Variants in ZNF638 observed in about 807,000 individuals in gnomAD.
ZNF638 encodes zinc finger protein 638.
ZNF638 carries 46 observed loss-of-function variants against 195.6 expected under a neutral mutation model. The observed-to-expected ratio is 0.24, with a 90% CI of 0.19 to 0.30. The LOEUF is 0.30. Among genes scored for constraint, ZNF638 ranks in the 10% least tolerant of loss-of-function variants. ZNF638 has a pLI of 1.00. For missense variants in ZNF638, 2,440 were observed against 2,325.3 expected (o/e 1.05, Z -1.01); for synonymous variants, 845 against 772.0 (o/e 1.09, Z -1.57).
At chr2:71,432,266 T>A (rs942104209) in intron 26 of ZNF638, among the ~76,000 whole-genome samples, 1 of 152,202 alleles carries the variant, frequency 6.6e-6, no homozygotes, top group Non-Finnish European at 1.5e-5. Flanking sequence ...AGTGATGTGA[T>A]CTCAGCTAAC....
rs755919835 is a variant in ZNF638, at chr2:71,349,762, C to T, written c.808C>T (p.Arg270Cys). 2.0e-5 allele frequency: 33 copies of T among 1,614,176 alleles called. No homozygotes were observed. The highest frequency in any genetic ancestry group is 8.8e-5 in the South Asian group (8 of 91,074). The change falls in exon 2 of 28, where the codon CGC becomes TGC. Residue 270 changes from arginine (R) to cysteine (C), a missense_variant. Arg to Cys is a radical substitution (Grantham distance 180). This residue lies in a region of ZNF638 where 305 missense variants were observed against 283.6 expected (regional missense o/e 1.08). Transcript: ENST00000264447. ...TATGTTTCCTGTTGAAGACGTATTT[C>T]GCCAAATGGACTTCCCCGGTGAGTC... ...NSMFPVEDVF[R>C]QMDFPGESSN...
At chr2:71,340,393 G>A (rs770273058) in intron 1 of ZNF638, among the ~76,000 whole-genome samples, 3 of 152,220 alleles carry the variant, frequency 2.0e-5, no homozygotes, top group South Asian at 4.1e-4. Context: ...CTTTATCTGC[G>A]TGGTAGGAGA....
At chr2:71,432,754 A>C (rs2080692145) in intron 26 of ZNF638, among the ~76,000 whole-genome samples, 1 of 152,236 alleles carries the variant, frequency 6.6e-6, no homozygotes, top group South Asian at 2.1e-4. Context: ...TACTGTTCTT[A>C]TATTTAAGTA....
At chr2:71,358,288 C>T (rs1172209941) in intron 3 of ZNF638, among the ~76,000 whole-genome samples, 1 of 152,154 alleles carries the variant, frequency 6.6e-6, no homozygotes, top group Non-Finnish European at 1.5e-5. Context: ...TTTTCCAAAT[C>T]GGGTAACATT....
At chr2:71,394,891 C>T (rs1558866187) in intron 10 of ZNF638, among the ~76,000 whole-genome samples, 1 of 152,160 alleles carries the variant, frequency 6.6e-6, no homozygotes. Flanking sequence ...CTCGAGGCTG[C>T]CTTGGAACAT....
At chr2:71,406,456 C>T (rs1015747696) in intron 19 of ZNF638, among the ~76,000 whole-genome samples, 194 bp downstream of exon 19, 6 of 152,052 alleles carry the variant, frequency 3.9e-5, no homozygotes, top group African/African-American at 1.4e-4. Flanking sequence ...TTTTTCAGAA[C>T]TCCTAGTTTT....
intron 10 of ZNF638, among the ~76,000 whole-genome samples, chr2:71,384,123 C>T (rs943556459): frequency 1.3e-5 from 2 of 152,130 alleles, no homozygotes; most frequent in Non-Finnish European, 2.9e-5. Context: ...CAATCAGTGG[C>T]GGATCCATAT....
Position 71,348,843 on chromosome 2 carries a change from G to T in ZNF638, c.-112G>T. 1.2e-6 allele frequency: 2 copies of T among 1,608,542 alleles called. No individual in the cohort carries two copies. The highest frequency in any genetic ancestry group is 1.3e-5 in the African/African-American group (1 of 75,018). On this transcript the variant is annotated 5_prime_UTR_variant, in exon 2 of 28. Coordinates refer to ENST00000264447, the MANE Select transcript of ZNF638 (RefSeq NM_014497.5). ...CACTTCTGTTGGGCCCATCTCCTTTGCACTTTGCTCAGATTAAGACTCAGT... is the reference window on the plus strand; with the variant it reads ...CACTTCTGTTGGGCCCATCTCCTTTTCACTTTGCTCAGATTAAGACTCAGT...
Position 71,350,209 on chromosome 2 carries a change from G to A in ZNF638, c.1255G>A (p.Ala419Thr). 6.2e-7 allele frequency: 1 copy of A among 1,607,722 alleles called. No individual in the cohort carries two copies. Among genetic ancestry groups the A allele is most frequent in the East Asian group, 2.2e-5 (1 of 44,884 alleles). Residue 419 changes from alanine (A) to threonine (T), a missense_variant, in exon 2 of 28, where the codon GCA (alanine) becomes ACA (threonine). Physicochemically the swap from Ala to Thr is moderately conservative, Grantham distance 58. Transcript: ENST00000264447. ...TPSMMNDYYAASPRIFPHLCS... is the reference protein window; with the variant it reads ...TPSMMNDYYATSPRIFPHLCS... Reference sequence around the variant, plus strand: ...TTCTATGATGAATGATTATTATGCAGCATCTCCAAGAATATTTCCACATTT... The same window carrying A: ...TTCTATGATGAATGATTATTATGCAACATCTCCAAGAATATTTCCACATTT...
intron 1 of ZNF638, among the ~76,000 whole-genome samples, chr2:71,347,350 T>G (rs1254620329): frequency 6.6e-6 from 1 of 152,166 alleles, no homozygotes; most frequent in Non-Finnish European, 1.5e-5. Context: ...AAAGGTTAAA[T>G]GTGGTGGCAG....
intron 19 of ZNF638, among the ~76,000 whole-genome samples, chr2:71,406,669 G>C (rs1420217647): frequency 1.3e-5 from 2 of 152,136 alleles, no homozygotes; most frequent in South Asian, 2.1e-4. Context: ...TGAAACACCT[G>C]AGTTAGGTCT....
At position 71,423,037 on chromosome 2, in the gene ZNF638, A is replaced by G. The variant is rs1438651177; in HGVS notation, c.3523A>G (p.Lys1175Glu). The G allele has an allele frequency of 1.2e-5, 19 of 1,614,158 alleles. No individual in the cohort carries two copies. The highest frequency in any genetic ancestry group is 1.4e-5 in the Non-Finnish European group (17 of 1,179,994). Residue 1175 changes from lysine (K) to glutamate (E), a missense_variant, in exon 22 of 28, where the codon AAA becomes GAA. This residue lies in a region of ZNF638 where 1,883 missense variants were observed against 1,739.1 expected (regional missense o/e 1.08). Coordinates refer to ENST00000264447, the MANE Select transcript of ZNF638 (RefSeq NM_014497.5). Reference sequence around the variant, plus strand: ...GCTTGAAACTCAAGGAGAGGAGGTCAAAGAAGAAATTCCTCTTGTAGCATC... The same window carrying G: ...GCTTGAAACTCAAGGAGAGGAGGTCGAAGAAGAAATTCCTCTTGTAGCATC... ...LELETQGEEV[K>E]EEIPLVASAS...
Position 71,350,172 on chromosome 2 carries a change from A to G in ZNF638, c.1218A>G (p.Arg406=). Residue 406 remains arginine (R), a synonymous_variant, in exon 2 of 28, where the codon AGA becomes AGG. Transcript: ENST00000264447. ...ATGCTGATGCCCAGAAGATGAAGAG[A>G]CTTCCAACTCCTTCTATGATGAATG... ...FSHADAQKMK[R]LPTPSMMNDY... is the part of the protein sequence containing the mutation. 3 of 1,613,122 alleles carry G rather than the reference A, an allele frequency of 1.9e-6. No individual in the cohort carries two copies. Among genetic ancestry groups the G allele is most frequent in the Non-Finnish European group, 2.5e-6 (3 of 1,180,030 alleles).
intron 8 of ZNF638, chr2:71,373,968 G>C (rs1197089044): frequency 6.6e-6 from 1 of 152,108 alleles, no homozygotes; most frequent in Non-Finnish European, 1.5e-5. Context: ...GACTACAGGT[G>C]CAAGCCACCG....
intron 10 of ZNF638, among the ~76,000 whole-genome samples, chr2:71,386,499 A>AT (rs2079643393): frequency 6.6e-6 from 1 of 152,246 alleles, no homozygotes; most frequent in South Asian, 2.1e-4. Context: ...TAAAATAAAT[A>AT]TTTTTTAAAA....
At chr2:71,393,713 T>C (rs1345255902) in intron 10 of ZNF638, 1 of 674,562 alleles carries the variant, frequency 1.5e-6, no homozygotes, top group East Asian at 2.7e-5. Context: ...CCGGCTACAC[T>C]CTATTGGGCT....
Position 71,363,969 on chromosome 2 carries a change from A to G in ZNF638, c.1434A>G (p.Arg478=). ...CTGCTTGTAGAAATGAGGGCAATAGAAAAGAAAATGAAACTCCACGAAGAC... is the reference window on the plus strand; with the variant it reads ...CTGCTTGTAGAAATGAGGGCAATAGGAAAGAAAATGAAACTCCACGAAGAC... ...ILPSRRNEGN[R]KENETPRRRS... Residue 478 remains arginine, a synonymous_variant, in exon 5 of 28, where the codon AGA becomes AGG. Coordinates refer to ENST00000264447, the MANE Select transcript of ZNF638 (RefSeq NM_014497.5). 4 of 1,612,480 alleles carry G rather than the reference A, an allele frequency of 2.5e-6. No individual in the cohort carries two copies. Among genetic ancestry groups the G allele is most frequent in the Non-Finnish European group, 3.4e-6 (4 of 1,179,076 alleles).
intron 20 of ZNF638, among the ~76,000 whole-genome samples, chr2:71,411,979 G>C (rs1334342207): frequency 2.0e-5 from 2 of 102,428 alleles, no homozygotes; most frequent in Non-Finnish European, 3.8e-5. Context: ...ATAGTCCTTT[G>C]GGTATATACC....
At chr2:71,399,494 A>C (rs2079962079) in intron 12 of ZNF638, 65 bp from the exon 13 acceptor site, 8 of 1,089,430 alleles carry the variant, frequency 7.3e-6, no homozygotes, top group South Asian at 1.4e-5. Flanking sequence ...CTAATACATT[A>C]GTGTGAAACA....
Sources: allele counts gnomAD v4.1 joint callset (sites outside exome capture counted in the v4.1 genomes callset), GRCh38; gene constraint gnomAD v4.1.1; regional missense constraint gnomAD v4.1.1; transcripts MANE v1.5; gene names NCBI Gene and HGNC (gene_info 2026-07-23, HGNC 2026-07-21).